Variants in BCAS3 observed in about 807,000 individuals in gnomAD.
BCAS3 encodes BCAS4/BCAS3 fusion.
BCAS3 carries 53 observed loss-of-function variants against 116.1 expected under a neutral mutation model. The observed-to-expected ratio is 0.46, with a 90% CI of 0.37 to 0.57. The LOEUF is 0.57. Among genes scored for constraint, BCAS3 ranks in the 20% least tolerant of loss-of-function variants. BCAS3 has a pLI of 0.00. For synonymous variants in BCAS3, 391 were observed against 408.2 expected (o/e 0.96, Z 0.51); for missense variants, 917 against 1,165.4 (o/e 0.79, Z 3.10).
At chr17:61,283,342 T>C (rs1160375082) in intron 22 of BCAS3, among the ~76,000 whole-genome samples, 1 of 152,254 alleles carries the variant, frequency 6.6e-6, no homozygotes, top group Admixed American at 6.5e-5. Context: ...GTTTAGCTCA[T>C]TCTCCCTATT....
In BCAS3 at chr17:61,248,310, A is replaced by G. The variant is rs573966856; in HGVS notation, c.2426-120017A>G. ...GGATGGTTTAACATAATTTGTCTCTATGTTTTCTGTCTTGGGTAAAGGAAT... is the reference window on the plus strand; with the variant it reads ...GGATGGTTTAACATAATTTGTCTCTGTGTTTTCTGTCTTGGGTAAAGGAAT... On this transcript the variant is annotated intron_variant, in intron 22 of 23. Coordinates refer to ENST00000407086, the MANE Select transcript of BCAS3 (RefSeq NM_017679.5). The surrounding 1 kb of genome is among the most constrained non-coding windows in gnomAD (Gnocchi z 4.3). Among the ~76,000 whole-genome samples, 16 of 152,236 alleles carry G rather than the reference A, an allele frequency of 1.1e-4. No homozygotes were observed. In the South Asian group the frequency reaches 1.9e-3, roughly 18 times the overall value.
intron 22 of BCAS3, among the ~76,000 whole-genome samples, chr17:61,304,707 A>G (rs1393767742): frequency 6.6e-6 from 1 of 151,384 alleles, no homozygotes; most frequent in African/African-American, 2.4e-5. Context: ...AACATCCAAC[A>G]TGTCTTTGCA....
intron 22 of BCAS3, among the ~76,000 whole-genome samples, chr17:61,290,912 C>T (rs961852493): frequency 9.9e-5 from 15 of 152,254 alleles, no homozygotes; most frequent in African/African-American, 3.6e-4. Flanking sequence ...TCCCAAGTAG[C>T]TGGGACTACA....
In BCAS3 at chr17:61,344,317, G is replaced by A. The variant is rs1049049487; in HGVS notation, c.2426-24010G>A. Among the ~76,000 whole-genome samples the A allele has an allele frequency of 4.6e-5, 7 of 152,042 alleles. No homozygotes were observed. The highest frequency in any genetic ancestry group is 1.7e-4 in the African/African-American group (7 of 41,388). On this transcript the variant is annotated intron_variant, in intron 22 of 23. Transcript: ENST00000407086. This position sits in a 1 kb window ranked among gnomAD's most constrained non-coding sequence, Gnocchi z 4.1. Reference sequence around the variant, plus strand: ...TGCTTCTCTTTTGTCAGAGACATGGGCCTCTTCAACCAAGTCTCTGGGTCT... The same window carrying A: ...TGCTTCTCTTTTGTCAGAGACATGGACCTCTTCAACCAAGTCTCTGGGTCT...
In BCAS3 at chr17:61,286,163, G is replaced by T. The variant is rs962946671; in HGVS notation, c.2426-82164G>T. ...TAAACTCTGCACACATCTTCCTCTGGGATTTCTTTGCAGCTTTCAAAGGGT... is the reference window on the plus strand; with the variant it reads ...TAAACTCTGCACACATCTTCCTCTGTGATTTCTTTGCAGCTTTCAAAGGGT... On this transcript the variant is annotated intron_variant, in intron 22 of 23. Coordinates refer to ENST00000407086, the MANE Select transcript of BCAS3 (RefSeq NM_017679.5). This position sits in a 1 kb window ranked among gnomAD's most constrained non-coding sequence, Gnocchi z 4.8. Among the ~76,000 whole-genome samples, 1 of 152,086 alleles carries T rather than the reference G, an allele frequency of 6.6e-6. No homozygotes were observed. The highest frequency in any genetic ancestry group is 2.4e-5 in the African/African-American group (1 of 41,402).
intron 7 of BCAS3, among the ~76,000 whole-genome samples, chr17:60,862,442 C>A (rs1322636577): frequency 6.6e-6 from 1 of 152,052 alleles, no homozygotes; most frequent in East Asian, 1.9e-4. Context: ...TGGTCCAGGG[C>A]TTTTTCTCAT....
At chr17:61,070,868 G>A (rs1229074447) in intron 19 of BCAS3, among the ~76,000 whole-genome samples, 2 of 152,240 alleles carry the variant, frequency 1.3e-5, no homozygotes, top group South Asian at 2.1e-4. Context: ...GTTGTGTGAC[G>A]CTGGCAGGTC....
At chr17:61,232,200 G>GAAAAAAAAAAAAA (rs71148394) in intron 22 of BCAS3, among the ~76,000 whole-genome samples, 11 of 72,398 alleles carry the variant, frequency 1.5e-4, no homozygotes, top group East Asian at 9.3e-4. Flanking sequence ...GAAAGACTCC[G>GAAAAAAAAAAAAA]AAAAAAAAAA....
chr17:61,142,319 A>G (rs1484867770), intron 22 of BCAS3, among the ~76,000 whole-genome samples: 1 of 152,226 alleles, frequency 6.6e-6, no homozygotes, highest in African/African-American at 2.4e-5. Flanking sequence ...ACTATAGTAC[A>G]GCGGCTTTCT....
At chr17:61,236,956 T>C (rs921871322) in intron 22 of BCAS3, among the ~76,000 whole-genome samples, 2 of 152,168 alleles carry the variant, frequency 1.3e-5, no homozygotes, top group Non-Finnish European at 2.9e-5. Context: ...AAAAGTAGAA[T>C]AGCCTCTGCA....
rs879887190 is a variant in BCAS3, at chr17:61,347,646, A to G, written c.2426-20681A>G. Among the ~76,000 whole-genome samples the G allele has an allele frequency of 6.6e-6, 1 of 152,234 alleles. No individual in the cohort carries two copies. Among genetic ancestry groups the G allele is most frequent in the Non-Finnish European group, 1.5e-5 (1 of 68,038 alleles). On this transcript the variant is annotated intron_variant, in intron 22 of 23. Coordinates refer to ENST00000407086, the MANE Select transcript of BCAS3 (RefSeq NM_017679.5). This position sits in a 1 kb window ranked among gnomAD's most constrained non-coding sequence, Gnocchi z 4.3. ...TTTACCAAATTTCCCATCATCCAGC[A>G]TAGCGACTGGTGCACAATAGACATC...
intron 5 of BCAS3, among the ~76,000 whole-genome samples, chr17:60,719,480 A>G (rs982455411): frequency 1.3e-5 from 2 of 152,248 alleles, no homozygotes; most frequent in Non-Finnish European, 2.9e-5. Context: ...TTTGATGAGT[A>G]TGTTTAGACA....
chr17:61,289,868 G>A (rs117065185), intron 22 of BCAS3, among the ~76,000 whole-genome samples: 2,597 of 152,276 alleles, frequency 0.017, 33 homozygotes, highest in Non-Finnish European at 0.027. Context: ...CCATAAAAGC[G>A]AAGAGAGGTA....
At chr17:61,010,378 G>A (rs1186139309) in intron 15 of BCAS3, among the ~76,000 whole-genome samples, 1 of 151,838 alleles carries the variant, frequency 6.6e-6, no homozygotes, top group Non-Finnish European at 1.5e-5. Context: ...GGAACTATGT[G>A]TTAGTATGGA....
chr17:61,369,187 C>G (rs979774782), intron 23 of BCAS3, among the ~76,000 whole-genome samples: 22 of 152,204 alleles, frequency 1.4e-4, no homozygotes, highest in Non-Finnish European at 2.8e-4. Context: ...TTCCAAAACC[C>G]TTCTTTGTTC....
At chr17:60,790,659 G>A (rs955510311) in intron 6 of BCAS3, among the ~76,000 whole-genome samples, 1 of 150,498 alleles carries the variant, frequency 6.6e-6, no homozygotes, top group African/African-American at 2.4e-5. Flanking sequence ...TTGTTTAAAA[G>A]ATATAGGCAC....
intron 8 of BCAS3, among the ~76,000 whole-genome samples, chr17:60,870,921 T>C (rs760938720): frequency 6.6e-6 from 1 of 152,230 alleles, no homozygotes; most frequent in Non-Finnish European, 1.5e-5. Flanking sequence ...ATTTATTTTA[T>C]ATTTACAAGT....
At chr17:61,303,620 A>C (rs953455697) in intron 22 of BCAS3, among the ~76,000 whole-genome samples, 4 of 152,192 alleles carry the variant, frequency 2.6e-5, no homozygotes, top group African/African-American at 9.7e-5. Context: ...GGGAGTGACC[A>C]GCCCCCAGGA....
At chr17:60,745,585 A>G (rs2041955691) in intron 5 of BCAS3, among the ~76,000 whole-genome samples, 1 of 152,142 alleles carries the variant, frequency 6.6e-6, no homozygotes, top group Non-Finnish European at 1.5e-5. Flanking sequence ...ATTTTGTTCT[A>G]TAATAATAAA....
Sources: allele counts gnomAD v4.1 joint callset (sites outside exome capture counted in the v4.1 genomes callset), GRCh38; gene constraint gnomAD v4.1.1; non-coding constraint Gnocchi (gnomAD v3.1); transcripts MANE v1.5; gene names NCBI Gene and HGNC (gene_info 2026-07-23, HGNC 2026-07-21).